TDRD12: variants seen among roughly 807,000 people sequenced by gnomAD.
The protein encoded by TDRD12 is tudor domain containing 12, also known as putative ATP-dependent RNA helicase TDRD12.
TDRD12 carries 158 observed loss-of-function variants against 133.5 expected under a neutral mutation model. The observed-to-expected ratio is 1.18, with a 90% CI of 1.04 to 1.35. TDRD12 has a LOEUF of 1.35. Ranked by LOEUF, TDRD12 falls within the 40% of genes most tolerant of loss-of-function variation. The probability of loss-of-function intolerance (pLI) is 0.00; values close to 1 mark genes in which losing one functional copy is unlikely to be tolerated. For synonymous variants in TDRD12, 460 were observed against 477.9 expected (o/e 0.96, Z 0.49); for missense variants, 1,443 against 1,321.3 (o/e 1.09, Z -1.43).
intron 19 of TDRD12, among the ~76,000 whole-genome samples, chr19:32,802,190 G>GATAATATATATC (rs1971415489): frequency 7.1e-6 from 1 of 140,640 alleles, no homozygotes; most frequent in African/African-American, 2.7e-5. Flanking sequence ...ATATGATAGT[G>GATAATATATATC]ATATATATGA....
At chr19:32,750,894 C>T (rs1599857327) in intron 6 of TDRD12, among the ~76,000 whole-genome samples, 1 of 152,208 alleles carries the variant, frequency 6.6e-6, no homozygotes, top group Admixed American at 6.5e-5. Flanking sequence ...TCAGTGCATC[C>T]CAGCAGGGGT....
intron 3 of TDRD12, among the ~76,000 whole-genome samples, chr19:32,741,509 G>A (rs916323478): frequency 6.6e-6 from 1 of 152,210 alleles, no homozygotes; most frequent in African/African-American, 2.4e-5. Flanking sequence ...AACCGTAATC[G>A]CTGCAAAAAC....
At chr19:32,736,802 C>G (rs1285175821) in intron 2 of TDRD12, among the ~76,000 whole-genome samples, 1 of 152,210 alleles carries the variant, frequency 6.6e-6, no homozygotes, top group Non-Finnish European at 1.5e-5. Flanking sequence ...TGGCTGTGGC[C>G]TGGCAGTCCT....
intron 11 of TDRD12, among the ~76,000 whole-genome samples, chr19:32,785,992 T>C (rs1016572217): frequency 6.6e-6 from 1 of 152,232 alleles, no homozygotes; most frequent in African/African-American, 2.4e-5. Context: ...CTGGTTATTT[T>C]GCCCATTAAT....
At chr19:32,777,726 C>G (rs564504157) in intron 11 of TDRD12, among the ~76,000 whole-genome samples, 5 of 148,650 alleles carry the variant, frequency 3.4e-5, no homozygotes, top group Non-Finnish European at 7.4e-5. Flanking sequence ...CTCACTGCAG[C>G]TTCGACCTCC....
At chr19:32,754,003 A>C (rs1387854832) in intron 6 of TDRD12, among the ~76,000 whole-genome samples, 1 of 152,054 alleles carries the variant, frequency 6.6e-6, no homozygotes, top group East Asian at 1.9e-4. Context: ...TGCCAAAGTT[A>C]CTTAGGTTGT....
chr19:32,755,525 G>A (rs990453246), intron 6 of TDRD12, among the ~76,000 whole-genome samples: 1 of 152,156 alleles, frequency 6.6e-6, no homozygotes, highest in African/African-American at 2.4e-5. Context: ...TATTTTAATT[G>A]TGTTGATTTC....
rs1383058227 is a variant in TDRD12, at chr19:32,777,132, T to C, written c.1041-17T>C. ...GCTGTTCACAAATTTTAATGAATTT[T>C]TTTTTTTCATTTCTAGTGCTTTAAG... is the stretch of plus-strand genomic sequence containing the variant. On this transcript the variant is annotated splice_polypyrimidine_tract_variant and intron_variant, in intron 10 of 27. Coordinates refer to ENST00000444215, the Ensembl canonical transcript of TDRD12. 7 of 1,508,396 alleles carry C rather than the reference T, an allele frequency of 4.6e-6. No individual in the cohort carries two copies. In the African/African-American group the frequency reaches 9.9e-5, roughly 21 times the overall value. 93.4% of individuals were successfully genotyped at this position (1,508,396 alleles called of 1,614,324 possible). A position where few individuals can be genotyped will look rare whatever the true frequency, so the allele number is the denominator to read the frequency against.
intron 5 of TDRD12, among the ~76,000 whole-genome samples, chr19:32,749,081 G>C (rs973519601): frequency 6.6e-6 from 1 of 152,108 alleles, no homozygotes; most frequent in Non-Finnish European, 1.5e-5. Context: ...AAACACCTGG[G>C]GTGCTGCCTG....
intron 6 of TDRD12, among the ~76,000 whole-genome samples, chr19:32,753,089 G>A (rs1969884537): frequency 6.6e-6 from 1 of 151,916 alleles, no homozygotes; most frequent in South Asian, 2.1e-4. Context: ...ACCGCGCCCG[G>A]CCACTGGAAT....
At chr19:32,793,535 A>G (rs1296615301) in intron 13 of TDRD12, among the ~76,000 whole-genome samples, 1 of 152,178 alleles carries the variant, frequency 6.6e-6, no homozygotes, top group African/African-American at 2.4e-5. Flanking sequence ...CATGGTGCCG[A>G]TGAGCTCGGC....
rs1373842397 is a variant in TDRD12, at chr19:32,802,921, G to C, written c.2332-1G>C. On this transcript the variant is annotated splice_acceptor_variant, in intron 20 of 27. Coordinates refer to ENST00000444215, the Ensembl canonical transcript of TDRD12. LOFTEE classifies it high-confidence loss of function. ...TTCCTTTATTCACCCCCAATTTTCA[G>C]GGTTCTCCTGCAGAACAGGGAGATA... The C allele has an allele frequency of 2.6e-6, 4 of 1,533,598 alleles. No individual in the cohort carries two copies. Among genetic ancestry groups the C allele is most frequent in the Non-Finnish European group, 3.5e-6 (4 of 1,145,610 alleles). The allele number at this position is 1,533,598 out of a possible 1,614,324, so 95.0% of individuals were successfully genotyped here. A position where few individuals can be genotyped will look rare whatever the true frequency, so the allele number is the denominator to read the frequency against.
chr19:32,742,575 G>T (rs1482730635), intron 3 of TDRD12, among the ~76,000 whole-genome samples: 1 of 152,066 alleles, frequency 6.6e-6, no homozygotes, highest in African/African-American at 2.4e-5. Context: ...AAAAGAGTAC[G>T]ATTTTTTTTC....
intron 4 of TDRD12, among the ~76,000 whole-genome samples, chr19:32,746,830 CTG>C (rs1057323456): frequency 1.5e-5 from 2 of 129,124 alleles, no homozygotes; most frequent in Non-Finnish European, 3.2e-5. Context: ...TGTGGTTATC[CTG>C]TGTGTGTGAG....
At chr19:32,734,142 G>A (rs929695004) in intron 2 of TDRD12, among the ~76,000 whole-genome samples, 6 of 152,086 alleles carry the variant, frequency 3.9e-5, no homozygotes, top group South Asian at 2.1e-4. Context: ...TGATCCACCC[G>A]TCTCAGCCTC....
At chr19:32,768,434 A>G (rs1029670355) in intron 8 of TDRD12, among the ~76,000 whole-genome samples, 1 of 149,982 alleles carries the variant, frequency 6.7e-6, no homozygotes, top group Non-Finnish European at 1.5e-5. Context: ...CTGTTGCCCA[A>G]GCTGGAGTGC....
At chr19:32,810,308 T>G in intron 23 of TDRD12, 31 bp downstream of exon 23, 1 of 1,458,252 alleles carries the variant, frequency 6.9e-7, no homozygotes, top group Non-Finnish European at 9.0e-7. Flanking sequence ...ATCTGTAAAG[T>G]TTTGAAGCAT....
exon 10 of TDRD12, chr19:32,828,921 G>A (rs950059550): frequency 1.3e-5 from 2 of 152,300 alleles, no homozygotes; most frequent in African/African-American, 4.8e-5. Flanking sequence ...TGCCGGGAGT[G>A]TGCCCAGGTC....
intron 8 of TDRD12, among the ~76,000 whole-genome samples, chr19:32,769,722 C>T (rs1242449250): frequency 4.6e-5 from 7 of 152,122 alleles, no homozygotes; most frequent in African/African-American, 4.8e-5. Context: ...CCACAACCTC[C>T]GCCTCCTGGA....
Sources: allele counts gnomAD v4.1 joint callset (sites outside exome capture counted in the v4.1 genomes callset), GRCh38; gene constraint gnomAD v4.1.1; transcripts MANE v1.5; gene names NCBI Gene and HGNC (gene_info 2026-07-23, HGNC 2026-07-21).